Variants in TENM3 observed in about 807,000 individuals in gnomAD.
The protein encoded by TENM3 is teneurin-3.
TENM3 carries 63 observed loss-of-function variants against 255.1 expected under a neutral mutation model. The observed-to-expected ratio is 0.25, with a 90% CI of 0.20 to 0.30. TENM3 has a LOEUF of 0.30. Among genes scored for constraint, TENM3 ranks in the 10% least tolerant of loss-of-function variants. The probability of loss-of-function intolerance (pLI) is 1.00; values close to 1 mark genes in which losing one functional copy is unlikely to be tolerated. For synonymous variants in TENM3, 1,306 were observed against 1,322.3 expected (o/e 0.99, Z 0.27); for missense variants, 2,929 against 3,461.1 (o/e 0.85, Z 3.86).
At chr4:182,401,548 A>G (rs561369146) in intron 3 of TENM3, among the ~76,000 whole-genome samples, 6 of 152,336 alleles carry the variant, frequency 3.9e-5, no homozygotes, top group Middle Eastern at 3.4e-3. Context: ...TACATGGCAC[A>G]AACCTCCAGT....
At position 182,754,379 on chromosome 4, in the gene TENM3, A is replaced by T. The variant is rs898199324; in HGVS notation, c.4018-6A>T. Reference sequence around the variant, plus strand: ...TACTAACCAGGCCATTTCTTTTTTTATTAAGGTACGTCTGGAATGGCCCAC... The same window carrying T: ...TACTAACCAGGCCATTTCTTTTTTTTTTAAGGTACGTCTGGAATGGCCCAC... On this transcript the variant is annotated splice_polypyrimidine_tract_variant and splice_region_variant and intron_variant, in intron 21 of 27. Transcript: ENST00000511685. This position sits in a 1 kb window ranked among gnomAD's most constrained non-coding sequence, Gnocchi z 5.1. The T allele has an allele frequency of 6.3e-7, 1 of 1,575,138 alleles. No homozygotes were observed. The highest frequency in any genetic ancestry group is 8.6e-7 in the Non-Finnish European group (1 of 1,158,838).
chr4:181,530,451 C>T, the TENM3 span, among the ~76,000 whole-genome samples: 4 of 152,132 alleles, frequency 2.6e-5, no homozygotes, highest in African/African-American at 7.2e-5. Flanking sequence ...ACAAGAGTTA[C>T]AGGTGTAGAT....
intron 3 of TENM3, among the ~76,000 whole-genome samples, chr4:182,550,979 G>T (rs1741942423): frequency 1.3e-5 from 2 of 152,128 alleles, no homozygotes; most frequent in South Asian, 4.1e-4. Context: ...CCAGCACTTT[G>T]GGAGGCCAAG....
upstream of TENM3, chr4:182,141,972 A>G (rs1161016484): frequency 6.6e-6 from 1 of 152,190 alleles, no homozygotes; most frequent in Non-Finnish European, 1.5e-5. Context: ...GAAAAGTTTT[A>G]AAGACCTAAT....
chr4:182,233,817 C>T (rs761419202), intron 1 of TENM3, among the ~76,000 whole-genome samples: 32 of 152,250 alleles, frequency 2.1e-4, no homozygotes, highest in Admixed American at 5.9e-4. Flanking sequence ...TCTTTCACTT[C>T]AGAGGAAACT....
intron 3 of TENM3, among the ~76,000 whole-genome samples, chr4:182,371,472 T>G (rs1766810319): frequency 6.6e-6 from 1 of 152,168 alleles, no homozygotes; most frequent in Admixed American, 6.5e-5. Flanking sequence ...GACCTAAGCC[T>G]CACCATGATG....
chr4:182,431,652 A>C (rs1771656881), intron 3 of TENM3, among the ~76,000 whole-genome samples: 1 of 152,178 alleles, frequency 6.6e-6, no homozygotes, highest in Non-Finnish European at 1.5e-5. Flanking sequence ...GTGAACTGAG[A>C]CACTAGGGAC....
At chr4:181,985,403 G>A in the TENM3 span, among the ~76,000 whole-genome samples, 1 of 151,748 alleles carries the variant, frequency 6.6e-6, no homozygotes, top group Admixed American at 6.6e-5. Context: ...ACTGATATCA[G>A]GTCATTAATT....
intron 16 of TENM3, among the ~76,000 whole-genome samples, chr4:182,736,374 A>G (rs564553279): frequency 9.2e-5 from 14 of 152,308 alleles, no homozygotes; most frequent in African/African-American, 3.4e-4. Context: ...TGTCTGCTCT[A>G]ATTCTCCAGG....
intron 2 of TENM3, among the ~76,000 whole-genome samples, chr4:182,332,772 G>A (rs1763862822): frequency 1.3e-5 from 2 of 150,610 alleles, no homozygotes; most frequent in African/African-American, 4.9e-5. Flanking sequence ...AGAGGAAGTA[G>A]GAAGAGGTAC....
At chr4:182,285,109 G>T (rs1580013033) in intron 1 of TENM3, among the ~76,000 whole-genome samples, 1 of 152,136 alleles carries the variant, frequency 6.6e-6, no homozygotes, top group Non-Finnish European at 1.5e-5. Context: ...CAGTATTAAG[G>T]GTTGGTCTTG....
chr4:181,826,620 G>T, the TENM3 span, among the ~76,000 whole-genome samples: 8 of 152,196 alleles, frequency 5.3e-5, no homozygotes, highest in African/African-American at 1.9e-4. Context: ...TCCCAGAGGG[G>T]TTTAAAAGAG....
At chr4:181,656,556 C>G in the TENM3 span, among the ~76,000 whole-genome samples, 1 of 151,914 alleles carries the variant, frequency 6.6e-6, no homozygotes, top group Non-Finnish European at 1.5e-5. Flanking sequence ...AGGAGAGCAG[C>G]GGGGAGGGTC....
At chr4:181,859,207 C>T in the TENM3 span, among the ~76,000 whole-genome samples, 3 of 142,928 alleles carry the variant, frequency 2.1e-5, no homozygotes, top group Non-Finnish European at 4.5e-5. Flanking sequence ...CGTGCCACTG[C>T]GCTCCACCCT....
At chr4:182,674,210 A>T (rs1175508337) in intron 7 of TENM3, among the ~76,000 whole-genome samples, 1 of 152,156 alleles carries the variant, frequency 6.6e-6, no homozygotes, top group South Asian at 2.1e-4. Context: ...GAGAGTTTTC[A>T]TGTATGCTTT....
At chr4:182,670,820 C>A (rs781578819) in intron 6 of TENM3, among the ~76,000 whole-genome samples, 1 of 152,156 alleles carries the variant, frequency 6.6e-6, no homozygotes, top group African/African-American at 2.4e-5. Context: ...TATACACACA[C>A]CCCACCACCA....
intron 3 of TENM3, among the ~76,000 whole-genome samples, chr4:182,439,265 C>T (rs1772276198): frequency 6.6e-6 from 1 of 152,180 alleles, no homozygotes; most frequent in Admixed American, 6.5e-5. Context: ...TCTCCCTTCT[C>T]TCCTCTTTTT....
At chr4:182,798,662 T>G (rs1766672809) in intron 27 of TENM3, among the ~76,000 whole-genome samples, 1 of 152,236 alleles carries the variant, frequency 6.6e-6, no homozygotes, top group Non-Finnish European at 1.5e-5. Flanking sequence ...CTTTCCAACA[T>G]GCCTGAAAAC....
intron 1 of TENM3, among the ~76,000 whole-genome samples, chr4:182,268,579 C>T (rs2150203568): frequency 6.6e-6 from 1 of 152,226 alleles, no homozygotes; most frequent in East Asian, 1.9e-4. Flanking sequence ...TTCTAAGTCA[C>T]AGAATGAGAT....
Sources: gnomAD v4.1 joint callset for allele counts (sites outside exome capture counted in the v4.1 genomes callset) on GRCh38, gnomAD v4.1.1 for gene constraint, Gnocchi (gnomAD v3.1) non-coding constraint, MANE v1.5 for transcripts, NCBI Gene and HGNC (gene_info 2026-07-23, HGNC 2026-07-21) for gene names.